Variants in LRRTM4 observed in about 807,000 individuals in gnomAD.
The protein encoded by LRRTM4 is leucine rich repeat transmembrane neuronal 4, also known as leucine-rich repeat transmembrane neuronal protein 4.
In LRRTM4, 25 loss-of-function variants were observed where a neutral mutation model predicts 47.6. The ratio of observed to expected loss-of-function variants is 0.53; its 90% confidence interval spans 0.38 to 0.73. The LOEUF (loss-of-function observed/expected upper bound fraction) is 0.73. LRRTM4 is among the 30% of genes least tolerant of loss of function. The pLI is 0.00. For synonymous variants in LRRTM4, 311 were observed against 269.5 expected, an observed-to-expected ratio of 1.15 and a Z score of -1.51; for missense variants, 638 against 713.4, an observed-to-expected ratio of 0.89 and a Z score of 1.20.
chr2:76,948,457 A>C (rs1675395405), intron 3 of LRRTM4, among the ~76,000 whole-genome samples: 2 of 151,826 alleles, frequency 1.3e-5, no homozygotes, highest in South Asian at 4.1e-4. Flanking sequence ...ATTTAGAAAT[A>C]GTTCATTTTA....
intron 3 of LRRTM4, among the ~76,000 whole-genome samples, chr2:76,822,079 T>A (rs1671067797): frequency 6.6e-6 from 1 of 151,590 alleles, no homozygotes; most frequent in Non-Finnish European, 1.5e-5. Flanking sequence ...AGTAAAATTT[T>A]ATAGAAAAAA....
Position 77,458,918 on chromosome 2 carries a change from G to A in LRRTM4, c.1551+59400C>T, listed in dbSNP as rs150465215. ...CACATGCAACTGATGGGTGAAAATTGCAGTACCATACCCATAGGTTTGTGA... is the reference window on the plus strand; with the variant it reads ...CACATGCAACTGATGGGTGAAAATTACAGTACCATACCCATAGGTTTGTGA... On this transcript the variant is annotated intron_variant, in intron 3 of 3. Transcript: ENST00000409884. 3.2e-3 allele frequency among the ~76,000 whole-genome samples: 485 copies of A among 151,968 alleles called. 2 individuals are homozygous for A. The highest frequency in any genetic ancestry group is 0.012 in the African/African-American group (477 of 41,444).
intron 3 of LRRTM4, among the ~76,000 whole-genome samples, chr2:76,901,173 T>C (rs926190095): frequency 3.3e-5 from 5 of 152,086 alleles, no homozygotes; most frequent in African/African-American, 4.8e-5. Context: ...TGGCGTGCAT[T>C]AGGTATGTTT....
chr2:76,810,883 A>C (rs977744), intron 3 of LRRTM4, among the ~76,000 whole-genome samples: 65,515 of 151,974 alleles, frequency 0.43, 15,044 homozygotes, highest in East Asian at 0.76. Context: ...ATTACACACT[A>C]TCTTACCATT....
intron 3 of LRRTM4, among the ~76,000 whole-genome samples, chr2:77,351,341 T>G (rs1266823295): frequency 1.3e-5 from 2 of 151,708 alleles, no homozygotes; most frequent in East Asian, 3.9e-4. Context: ...AACTTAAGTG[T>G]TGTATTTCAT....
chr2:76,830,771 G>A (rs1671328075), intron 3 of LRRTM4, among the ~76,000 whole-genome samples: 1 of 151,848 alleles, frequency 6.6e-6, no homozygotes, highest in Admixed American at 6.6e-5. Context: ...TTTTAAAAAG[G>A]TAAAAATTTC....
chr2:76,852,824 AG>A (rs1344561608), intron 3 of LRRTM4, among the ~76,000 whole-genome samples: 3 of 152,186 alleles, frequency 2.0e-5, no homozygotes, highest in Non-Finnish European at 2.9e-5. Flanking sequence ...TATTATTATA[AG>A]AACAGGTGTG....
chr2:77,057,254 A>G (rs942925300), intron 3 of LRRTM4, among the ~76,000 whole-genome samples: 2 of 152,248 alleles, frequency 1.3e-5, no homozygotes, highest in African/African-American at 4.8e-5. Flanking sequence ...CCCATAAAAC[A>G]TAGGATAAAG....
At chr2:77,421,706 C>CA (rs1292134203) in intron 3 of LRRTM4, among the ~76,000 whole-genome samples, 5,301 of 139,362 alleles carry the variant, frequency 0.038, 319 homozygotes, top group African/African-American at 0.12. Flanking sequence ...GACTCCATCT[C>CA]AAAAAAAAAA....
intron 3 of LRRTM4, among the ~76,000 whole-genome samples, chr2:77,055,807 T>C (rs1679584643): frequency 1.3e-5 from 2 of 151,640 alleles, no homozygotes; most frequent in African/African-American, 2.4e-5. Flanking sequence ...CCAACAATGA[T>C]AGATTGGATT....
intron 3 of LRRTM4, among the ~76,000 whole-genome samples, chr2:76,777,653 T>A (rs2104140530): frequency 6.6e-6 from 1 of 151,224 alleles, no homozygotes; most frequent in East Asian, 2.0e-4. Context: ...CTTAAGGAGA[T>A]TATGGGCTGA....
chr2:76,941,487 C>A (rs1038639987), intron 3 of LRRTM4, among the ~76,000 whole-genome samples: 1 of 152,040 alleles, frequency 6.6e-6, no homozygotes, highest in East Asian at 1.9e-4. Context: ...CCAACAACCC[C>A]CAGTATGTTA....
At chr2:77,413,415 C>T (rs1309944266) in intron 3 of LRRTM4, among the ~76,000 whole-genome samples, 7 of 152,126 alleles carry the variant, frequency 4.6e-5, no homozygotes, top group African/African-American at 1.7e-4. Context: ...TAAACTCATC[C>T]TACGCATTCC....
chr2:77,474,564 G>A (rs1677312109), intron 3 of LRRTM4, among the ~76,000 whole-genome samples: 1 of 152,044 alleles, frequency 6.6e-6, no homozygotes, highest in Admixed American at 6.6e-5. Context: ...ATTAAATTAA[G>A]ATAATAGATT....
At chr2:77,091,231 C>T (rs113918839) in intron 3 of LRRTM4, among the ~76,000 whole-genome samples, 16,343 of 150,050 alleles carry the variant, frequency 0.11, 504 homozygotes, top group East Asian at 0.15. Context: ...GCCTCCTTTG[C>T]GTCCTCCTCT....
At chr2:77,483,897 A>G (rs921413102) in intron 3 of LRRTM4, among the ~76,000 whole-genome samples, 3 of 152,198 alleles carry the variant, frequency 2.0e-5, no homozygotes, top group East Asian at 1.9e-4. Flanking sequence ...TTGATTGACT[A>G]TTTTGTATCA....
At chr2:77,347,867 T>A (rs1322427683) in intron 3 of LRRTM4, among the ~76,000 whole-genome samples, 1 of 152,050 alleles carries the variant, frequency 6.6e-6, no homozygotes, top group Admixed American at 6.6e-5. Flanking sequence ...ATCTACATCA[T>A]CTATTTCTTT....
At chr2:77,187,992 T>C (rs939241526) in intron 3 of LRRTM4, among the ~76,000 whole-genome samples, 5 of 152,300 alleles carry the variant, frequency 3.3e-5, no homozygotes, top group Admixed American at 6.5e-5. Context: ...TCTTTTTAAG[T>C]AGCTTTCATT....
intron 3 of LRRTM4, among the ~76,000 whole-genome samples, chr2:77,287,797 C>A (rs1427251622): frequency 6.6e-6 from 1 of 152,038 alleles, no homozygotes; most frequent in Non-Finnish European, 1.5e-5. Flanking sequence ...TCTTACTATG[C>A]CTGATTTATA....
Sources: allele counts gnomAD v4.1 joint callset (sites outside exome capture counted in the v4.1 genomes callset), GRCh38; gene constraint gnomAD v4.1.1; transcripts MANE v1.5; gene names NCBI Gene and HGNC (gene_info 2026-07-23, HGNC 2026-07-21).